Variants in PCDHB5 observed in about 807,000 individuals in gnomAD.
PCDHB5 encodes protocadherin beta-5.
For missense variants in PCDHB5, 1,125 were observed against 1,029.4 expected, an observed-to-expected ratio of 1.09 and a Z score of -1.27; for synonymous variants, 569 against 462.2, an observed-to-expected ratio of 1.23 and a Z score of -2.96.
chr5:141,137,714 C>T lies in PCDHB5; in HGVS notation c.2280C>T (p.Ala760=), dbSNP rs781903713. 10 of 1,614,060 alleles carry T rather than the reference C, an allele frequency of 6.2e-6. No homozygotes were observed. The highest frequency in any genetic ancestry group is 7.6e-6 in the Non-Finnish European group (9 of 1,180,052). ...TGTGTTTGACCGGAGACTCAGGGGC[C>T]GGCGAGTTCAAGTTCCTGAAGCCGA... The part of the protein sequence containing the change: ...YEVCLTGDSG[A]GEFKFLKPII... Residue 760 remains alanine, a synonymous_variant, in exon 1 of 1, where the codon GCC becomes GCT. Transcript: ENST00000231134.
chr5:141,136,799 C>A lies in PCDHB5; in HGVS notation c.1365C>A (p.Tyr455Ter). Residue 455 changes from tyrosine to a stop codon, truncating the protein, a stop_gained, in exon 1 of 1, where the codon TAC becomes TAA. Coordinates refer to ENST00000231134, the MANE Select transcript of PCDHB5 (RefSeq NM_015669.5). LOFTEE classifies it low-confidence loss of function (END_TRUNC). ...DNAPAFTQTSYTLFVRENNSP... is the reference protein window; with the variant it reads ...DNAPAFTQTS ...CCCCCGCCTTCACCCAAACCTCCTA[C>A]ACCCTGTTCGTCCGAGAGAACAACA... is the stretch of plus-strand genomic sequence containing the variant. The A allele has an allele frequency of 6.2e-7, 1 of 1,613,854 alleles. No homozygotes were observed. The highest frequency in any genetic ancestry group is 8.5e-7 in the Non-Finnish European group (1 of 1,180,040).
At position 141,136,570 on chromosome 5, in the gene PCDHB5, G is replaced by A; in HGVS notation, c.1136G>A (p.Arg379Lys). 6.2e-7 allele frequency: 1 copy of A among 1,614,094 alleles called. No homozygotes were observed. The highest frequency in any genetic ancestry group is 1.3e-5 in the African/African-American group (1 of 75,002). ...VSDPDSGDNG[R>K]MICSIQNDLP... ...GATCCAGACTCCGGGGACAACGGTA[G>A]GATGATTTGCTCCATCCAGAATGAT... is the stretch of plus-strand genomic sequence containing the variant. The change falls in exon 1 of 1, where the codon AGG becomes AAG. Residue 379 changes from arginine (R) to lysine (K), a missense_variant. By Grantham distance (26) the Arg-to-Lys change is conservative. Coordinates refer to ENST00000231134, the MANE Select transcript of PCDHB5 (RefSeq NM_015669.5).
chr5:141,136,264 T>C lies in PCDHB5; in HGVS notation c.830T>C (p.Val277Ala), dbSNP rs1554275856. 6 of 1,614,206 alleles carry C rather than the reference T, an allele frequency of 3.7e-6. No individual in the cohort carries two copies. The highest frequency in any genetic ancestry group is 5.1e-6 in the Non-Finnish European group (6 of 1,180,020). The change falls in exon 1 of 1, where the codon GTA (valine) becomes GCA (alanine). Residue 277 changes from valine to alanine, a missense_variant. Coordinates refer to ENST00000231134, the MANE Select transcript of PCDHB5 (RefSeq NM_015669.5). ...RDLDAGAYGS[V>A]AYALFQGDEV... Reference sequence around the variant, plus strand: ...TTAGATGCAGGAGCATATGGGAGTGTAGCCTATGCTCTATTCCAAGGCGAT... The same window carrying C: ...TTAGATGCAGGAGCATATGGGAGTGCAGCCTATGCTCTATTCCAAGGCGAT...
Position 141,137,130 on chromosome 5 carries a change from A to T in PCDHB5, c.1696A>T (p.Asn566Tyr). The T allele has an allele frequency of 6.2e-7, 1 of 1,611,248 alleles. No homozygotes were observed. The change falls in exon 1 of 1, where the codon AAC becomes TAC. Residue 566 changes from asparagine (N) to tyrosine (Y), a missense_variant. Coordinates refer to ENST00000231134, the MANE Select transcript of PCDHB5 (RefSeq NM_015669.5). ...NSPFVLYPLQNGSAPCTELVP... is the reference protein window; with the variant it reads ...NSPFVLYPLQYGSAPCTELVP... The stretch of plus-strand genomic sequence containing the variant: ...GCCCTTCGTGCTGTATCCGCTGCAG[A>T]ACGGCTCGGCGCCTTGCACCGAGCT...
chr5:141,137,713 C>T lies in PCDHB5; in HGVS notation c.2279C>T (p.Ala760Val). The change falls in exon 1 of 1, where the codon GCC (alanine) becomes GTC (valine). Residue 760 changes from alanine to valine, a missense_variant. Ala to Val is a moderately conservative substitution (Grantham distance 64, BLOSUM62 0). Transcript: ENST00000231134. ...YEVCLTGDSG[A>V]GEFKFLKPII... ...GTGTGTTTGACCGGAGACTCAGGGG[C>T]CGGCGAGTTCAAGTTCCTGAAGCCG... 1 of 1,614,220 alleles carries T rather than the reference C, an allele frequency of 6.2e-7. No individual in the cohort carries two copies. The highest frequency in any genetic ancestry group is 8.5e-7 in the Non-Finnish European group (1 of 1,180,042).
rs782009059 is a variant in PCDHB5 at position 141,137,211 on chromosome 5, G to A, written c.1777G>A (p.Gly593Ser). The change falls in exon 1 of 1, where the codon GGT becomes AGT. Residue 593 changes from glycine to serine, a missense_variant. Transcript: ENST00000231134. ...YLVTKVVAVD[G>S]DSGQNAWLSY... is the part of the protein sequence containing the mutation. The stretch of plus-strand genomic sequence containing the variant: ...GGTGACCAAGGTGGTGGCGGTGGAC[G>A]GTGACTCGGGCCAGAACGCCTGGCT... 1.2e-6 allele frequency: 2 copies of A among 1,610,868 alleles called. No homozygotes were observed. Among genetic ancestry groups the A allele is most frequent in the Non-Finnish European group, 1.7e-6 (2 of 1,179,632 alleles).
chr5:141,135,259 A>G lies in PCDHB5; in HGVS notation c.-176A>G, dbSNP rs1309466128. ...AACTCAGACGCCATTAAGCTGGGGA[A>G]TCCAAACTCTAAAAGAAGGACGCAT... On this transcript the variant is annotated 5_prime_UTR_variant, in exon 1 of 1. Coordinates refer to ENST00000231134, the MANE Select transcript of PCDHB5 (RefSeq NM_015669.5). 6 of 569,966 alleles carry G rather than the reference A, an allele frequency of 1.1e-5. No individual in the cohort carries two copies. The East Asian group carries it at 1.7e-4, about 16-fold the overall frequency. The allele number at this position is 569,966 out of a possible 1,614,324, so 35.3% of individuals were successfully genotyped here.
rs1554276128 is a variant in PCDHB5 at position 141,137,147 on chromosome 5, C to A, written c.1713C>A (p.Cys571Ter). Reference sequence around the variant, plus strand: ...CGCTGCAGAACGGCTCGGCGCCTTGCACCGAGCTGGTGCCCCGGGCGGCCG... The same window carrying A: ...CGCTGCAGAACGGCTCGGCGCCTTGAACCGAGCTGGTGCCCCGGGCGGCCG... ...LYPLQNGSAP[C>*]TELVPRAAEP... The change falls in exon 1 of 1, where the codon TGC (cysteine) becomes TGA (stop). Residue 571 changes from cysteine (C) to a stop codon, truncating the protein, a stop_gained. Coordinates refer to ENST00000231134, the MANE Select transcript of PCDHB5 (RefSeq NM_015669.5). LOFTEE classifies it low-confidence loss of function (END_TRUNC). The A allele has an allele frequency of 6.2e-7, 1 of 1,610,788 alleles. No homozygotes were observed. Among genetic ancestry groups the A allele is most frequent in the East Asian group, 2.2e-5 (1 of 44,870 alleles).
In PCDHB5 at chr5:141,136,637, C is replaced by T. The variant is rs782789597; in HGVS notation, c.1203C>T (p.Thr401=). The change falls in exon 1 of 1, where the codon ACC becomes ACT. Residue 401 remains threonine, a synonymous_variant. Coordinates refer to ENST00000231134, the MANE Select transcript of PCDHB5 (RefSeq NM_015669.5). Reference sequence around the variant, plus strand: ...AGCCCACATTAAAAAACTTTTACACCCTAGTGACACAGAGAACACTGGACA... The same window carrying T: ...AGCCCACATTAAAAAACTTTTACACTCTAGTGACACAGAGAACACTGGACA... The part of the protein sequence containing the change: ...LLKPTLKNFY[T]LVTQRTLDRE... The T allele has an allele frequency of 6.2e-7, 1 of 1,614,086 alleles. No individual in the cohort carries two copies. The highest frequency in any genetic ancestry group is 1.1e-5 in the South Asian group (1 of 91,052).
rs782349528 is a variant in PCDHB5 at position 141,135,883 on chromosome 5, CTG to C, written c.453_454del (p.Phe152SerfsTer9). 308 of 1,614,126 alleles carry C rather than the reference CTG, an allele frequency of 1.9e-4. No homozygotes were observed. In the African/African-American group the frequency reaches 3.0e-3, roughly 16 times the overall value. On this transcript the variant is annotated frameshift_variant, in exon 1 of 1. Transcript: ENST00000231134. LOFTEE classifies it low-confidence loss of function (END_TRUNC). ...ATCCCAGAGAGCACCCAGCCAGGGACTGTGTTTCCCTTAAAAATAGCCCAGGA... is the reference window on the plus strand; with the variant it reads ...ATCCCAGAGAGCACCCAGCCAGGGACTGTTTCCCTTAAAAATAGCCCAGGA...
At position 141,137,461 on chromosome 5, in the gene PCDHB5, C is replaced by A; in HGVS notation, c.2027C>A (p.Ala676Asp). The change falls in exon 1 of 1, where the codon GCC becomes GAC. Residue 676 changes from alanine (A) to aspartate (D), a missense_variant. Coordinates refer to ENST00000231134, the MANE Select transcript of PCDHB5 (RefSeq NM_015669.5). ...CCCTACCTGCCGCTGCCGGAGGCGGCCCCGGCCCAGGCCCAGGCCGACTCG... is the reference window on the plus strand; with the variant it reads ...CCCTACCTGCCGCTGCCGGAGGCGGACCCGGCCCAGGCCCAGGCCGACTCG... ...SQPYLPLPEAAPAQAQADSLT... is the reference protein window; with the variant it reads ...SQPYLPLPEADPAQAQADSLT... The A allele has an allele frequency of 6.2e-7, 1 of 1,612,482 alleles. No individual in the cohort carries two copies. The highest frequency in any genetic ancestry group is 8.5e-7 in the Non-Finnish European group (1 of 1,179,702).
In PCDHB5 at chr5:141,137,253, A is replaced by G. The variant is rs782553134; in HGVS notation, c.1819A>G (p.Lys607Glu). The change falls in exon 1 of 1, where the codon AAG becomes GAG. Residue 607 changes from lysine to glutamate, a missense_variant. By Grantham distance (56) the Lys-to-Glu change is moderately conservative. Coordinates refer to ENST00000231134, the MANE Select transcript of PCDHB5 (RefSeq NM_015669.5). ...QNAWLSYQLL[K>E]ATEPGLFSMW... ...CGCCTGGCTGTCGTACCAGCTGCTC[A>G]AGGCCACGGAGCCCGGGCTGTTCAG... 6.8e-6 allele frequency: 11 copies of G among 1,610,852 alleles called. No individual in the cohort carries two copies. Among genetic ancestry groups the G allele is most frequent in the Non-Finnish European group, 9.3e-6 (11 of 1,179,690 alleles).
At position 141,137,811 on chromosome 5, in the gene PCDHB5, G is replaced by A. The variant is rs1554276314; in HGVS notation, c.2377G>A (p.Gly793Arg). The change falls in exon 1 of 1, where the codon GGA (glycine) becomes AGA (arginine). Residue 793 changes from glycine to arginine, a missense_variant. Gly to Arg is a moderately radical substitution (Grantham distance 125). Coordinates refer to ENST00000231134, the MANE Select transcript of PCDHB5 (RefSeq NM_015669.5). Reference protein sequence around the residue: ...GKTAAFRNSFGLN With the variant: ...GKTAAFRNSFRLN ...AACTGCTGCCTTCCGGAATAGCTTT[G>A]GATTAAATTAGAGATCTCGTGATGA... 3 of 1,598,046 alleles carry A rather than the reference G, an allele frequency of 1.9e-6. No individual in the cohort carries two copies. The Admixed American group carries it at 5.2e-5, about 28-fold the overall frequency.
rs400562 is a variant in PCDHB5 at position 141,137,592 on chromosome 5, C to G, written c.2158C>G (p.Pro720Ala). Reference protein sequence around the residue: ...VRLCRRSRAAPVGRCSVPEGP... With the variant: ...VRLCRRSRAAAVGRCSVPEGP... The stretch of plus-strand genomic sequence containing the variant: ...GCTGTGCAGGAGGAGCAGGGCGGCC[C>G]CGGTCGGTCGCTGCTCGGTGCCCGA... The change falls in exon 1 of 1, where the codon CCG (proline) becomes GCG (alanine). Residue 720 changes from proline (P) to alanine (A), a missense_variant. Pro to Ala is a conservative substitution (Grantham distance 27, BLOSUM62 -1). Coordinates refer to ENST00000231134, the MANE Select transcript of PCDHB5 (RefSeq NM_015669.5). The G allele has an allele frequency of 1.9e-6, 3 of 1,612,948 alleles. No homozygotes were observed. Among genetic ancestry groups the G allele is most frequent in the Non-Finnish European group, 2.5e-6 (3 of 1,179,962 alleles).
At position 141,136,327 on chromosome 5, in the gene PCDHB5, C is replaced by G. The variant is rs1554275876; in HGVS notation, c.893C>G (p.Ala298Gly). Residue 298 changes from alanine (A) to glycine (G), a missense_variant, in exon 1 of 1, where the codon GCA becomes GGA. Ala to Gly is a moderately conservative substitution (Grantham distance 60). Transcript: ENST00000231134. ...CCATTTGTAATAGACGAGAAAACAG[C>G]AGAAATTCGCCTGAAAAGGGCATTG... is the stretch of plus-strand genomic sequence containing the variant. ...TQPFVIDEKT[A>G]EIRLKRALDF... is the part of the protein sequence containing the mutation. 1 of 1,614,154 alleles carries G rather than the reference C, an allele frequency of 6.2e-7. No individual in the cohort carries two copies. The highest frequency in any genetic ancestry group is 8.5e-7 in the Non-Finnish European group (1 of 1,180,028).
chr5:141,137,447 G>T lies in PCDHB5; in HGVS notation c.2013G>T (p.Pro671=), dbSNP rs61745768. Residue 671 remains proline, a synonymous_variant, in exon 1 of 1, where the codon CCG becomes CCT. Coordinates refer to ENST00000231134, the MANE Select transcript of PCDHB5 (RefSeq NM_015669.5). ...LVDGFSQPYL[P]LPEAAPAQAQ... ...ACGGCTTCTCCCAGCCCTACCTGCC[G>T]CTGCCGGAGGCGGCCCCGGCCCAGG... The T allele has an allele frequency of 1.8e-5, 29 of 1,612,302 alleles. 1 individual carries two copies. The highest frequency in any genetic ancestry group is 1.5e-4 in the Admixed American group (9 of 59,992).
At position 141,136,621 on chromosome 5, in the gene PCDHB5, T is replaced by TA. The variant is rs1554275948; in HGVS notation, c.1193dup (p.Asn398LysfsTer48). ...CTCCCCTTTCTTTTGAAGCCCACATTAAAAAACTTTTACACCCTAGTGACA... is the reference window on the plus strand; with the variant it reads ...CTCCCCTTTCTTTTGAAGCCCACATTAAAAAAACTTTTACACCCTAGTGACA... On this transcript the variant is annotated frameshift_variant, in exon 1 of 1. Transcript: ENST00000231134. LOFTEE classifies it low-confidence loss of function (END_TRUNC). 1.2e-6 allele frequency: 2 copies of TA among 1,613,986 alleles called. No homozygotes were observed. Among genetic ancestry groups the TA allele is most frequent in the African/African-American group, 1.3e-5 (1 of 74,956 alleles).
chr5:141,136,627 AC>A lies in PCDHB5; in HGVS notation c.1194del (p.Tyr400ThrfsTer3), dbSNP rs782366937. 6.2e-7 allele frequency: 1 copy of A among 1,614,086 alleles called. No individual in the cohort carries two copies. The highest frequency in any genetic ancestry group is 2.2e-5 in the East Asian group (1 of 44,876). ...TTTCTTTTGAAGCCCACATTAAAAA[AC>A]TTTTACACCCTAGTGACACAGAGAA... ...LPFLLKPTLK[N>X]FYTLVTQRTL... On this transcript the variant is annotated frameshift_variant, in exon 1 of 1. Transcript: ENST00000231134. LOFTEE classifies it low-confidence loss of function (END_TRUNC).
chr5:141,136,511 C>T lies in PCDHB5; in HGVS notation c.1077C>T (p.Ala359=), dbSNP rs782212903. The change falls in exon 1 of 1, where the codon GCC becomes GCT. Residue 359 remains alanine (A), a synonymous_variant. Transcript: ENST00000231134. ...STLSSPTPEN[A]PETVVAVFSV... is the part of the protein sequence containing the mutation. ...TCTCCAGCCCTACCCCAGAAAATGC[C>T]CCGGAAACTGTAGTTGCCGTTTTCA... 3.7e-6 allele frequency: 6 copies of T among 1,613,940 alleles called. No homozygotes were observed. The highest frequency in any genetic ancestry group is 2.7e-5 in the African/African-American group (2 of 74,884).
Sources: gnomAD v4.1 joint callset for allele counts on GRCh38, gnomAD v4.1.1 for gene constraint, MANE v1.5 for transcripts, NCBI Gene and HGNC (gene_info 2026-07-23, HGNC 2026-07-21) for gene names.